Variants in MPRIP observed in about 807,000 individuals in gnomAD.
MPRIP encodes the protein myosin phosphatase Rho interacting protein.
A neutral mutation model predicts 234.9 loss-of-function variants in MPRIP; 59 were observed. That is an observed-to-expected ratio of 0.25 (90% CI 0.20 to 0.31). MPRIP has a LOEUF of 0.31. Among genes scored for constraint, MPRIP ranks in the 10% least tolerant of loss-of-function variants. MPRIP has a pLI of 1.00. For missense variants in MPRIP, 2,436 were observed against 3,071.0 expected (o/e 0.79, Z 4.89); for synonymous variants, 1,144 against 1,263.9 (o/e 0.91, Z 2.01).
chr17:17,162,935 C>G (rs938616727), intron 15 of MPRIP, among the ~76,000 whole-genome samples: 1 of 152,228 alleles, frequency 6.6e-6, no homozygotes, highest in African/African-American at 2.4e-5. Context: ...ACATTGCTAA[C>G]CTAGGAACCT....
At chr17:17,063,172 G>A (rs1162879401) in intron 1 of MPRIP, among the ~76,000 whole-genome samples, 2 of 152,248 alleles carry the variant, frequency 1.3e-5, no homozygotes, top group African/African-American at 4.8e-5. Flanking sequence ...GCTTGCCCAG[G>A]TCTTGGCTGG....
At chr17:17,173,416 G>A (rs2046187555) in intron 18 of MPRIP, among the ~76,000 whole-genome samples, 1 of 152,234 alleles carries the variant, frequency 6.6e-6, no homozygotes, top group African/African-American at 2.4e-5. Context: ...CCCTGTAGAG[G>A]CTCACGCTGA....
At chr17:17,143,010 A>T (rs2045363915) in intron 8 of MPRIP, among the ~76,000 whole-genome samples, 1 of 152,016 alleles carries the variant, frequency 6.6e-6, no homozygotes, top group South Asian at 2.1e-4. Context: ...AATTAGGATC[A>T]CTCTCTTCCT....
chr17:17,074,360 C>T (rs1471479988), intron 1 of MPRIP, among the ~76,000 whole-genome samples: 2 of 152,222 alleles, frequency 1.3e-5, no homozygotes, highest in Non-Finnish European at 2.9e-5. Context: ...CCTTGTTGAG[C>T]TCCTCCCGTG....
chr17:17,053,918 A>AGTCCTCACC (rs1373125502), intron 1 of MPRIP, among the ~76,000 whole-genome samples: 3 of 152,228 alleles, frequency 2.0e-5, no homozygotes, highest in Admixed American at 6.5e-5. Context: ...AAGTACAGTA[A>AGTCCTCACC]GTCCTCACCG....
intron 3 of MPRIP, among the ~76,000 whole-genome samples, chr17:17,123,703 C>CAAAAAAA (rs371753802): frequency 6.7e-5 from 4 of 59,280 alleles, no homozygotes; most frequent in African/African-American, 2.1e-4. Context: ...GACTTCGTCT[C>CAAAAAAA]AAAAAAAAAA....
rs1157180883 is a variant in MPRIP at position 17,164,183 on chromosome 17, T to C, written c.2592T>C (p.Leu864=). The C allele has an allele frequency of 7.7e-7, 1 of 1,304,272 alleles. No individual in the cohort carries two copies. 80.8% of individuals were successfully genotyped at this position (1,304,272 alleles called of 1,614,324 possible). The stretch of plus-strand genomic sequence containing the variant: ...TCAACCAAGACCTTCAAAGTGAGCT[T>C]GAAGCCCAGTGCCAGCGCCAGGAGC... ...HRVNQDLQSE[L]EAQCQRQELI... The change falls in exon 16 of 24, where the codon CTT becomes CTC. Residue 864 remains leucine, a synonymous_variant. Coordinates refer to ENST00000651222, the MANE Select transcript of MPRIP (RefSeq NM_001364716.4).
At position 17,181,336 on chromosome 17, in the gene MPRIP, C is replaced by T. The variant is rs1357100795; in HGVS notation, c.7206+1248C>T. On this transcript the variant is annotated intron_variant, in intron 23 of 23. Transcript: ENST00000651222. ...CTCAGTAGCTTGATCTCGTTCATCCCGGAATGAGAACATGGAGGAAAGCAA... is the reference window on the plus strand; with the variant it reads ...CTCAGTAGCTTGATCTCGTTCATCCTGGAATGAGAACATGGAGGAAAGCAA... 2.6e-5 allele frequency among the ~76,000 whole-genome samples: 4 copies of T among 152,090 alleles called. No homozygotes were observed. The East Asian group carries it at 7.7e-4, about 29-fold the overall frequency.
chr17:17,126,894 C>T, intron 4 of MPRIP, 41 bp downstream of exon 4: 1 of 1,597,338 alleles, frequency 6.3e-7, no homozygotes. Context: ...CCACCACCTG[C>T]CACAGGGCCA....
intron 2 of MPRIP, chr17:17,076,024 T>C (rs1019987129): frequency 2.1e-6 from 1 of 485,530 alleles, no homozygotes; most frequent in Non-Finnish European, 3.6e-6. Context: ...GTTGCCTGTT[T>C]TGTGGGTCAG....
At chr17:17,154,452 T>G in intron 13 of MPRIP, 37 bp downstream of exon 13, 1 of 1,581,466 alleles carries the variant, frequency 6.3e-7, no homozygotes. Flanking sequence ...CCTTTGTGCC[T>G]CTTGTGGGTG....
At chr17:17,065,097 G>T (rs1377767621) in intron 1 of MPRIP, among the ~76,000 whole-genome samples, 1 of 151,996 alleles carries the variant, frequency 6.6e-6, no homozygotes, top group East Asian at 1.9e-4. Context: ...AAGTCTTCTC[G>T]TGTCTTTTGC....
intron 1 of MPRIP, 108 bp from the exon 2 acceptor site, chr17:17,075,602 C>A (rs2089309254): frequency 3.2e-6 from 3 of 940,196 alleles, no homozygotes; most frequent in Non-Finnish European, 5.2e-6. Context: ...ATGACCTCTG[C>A]AGAGCAGAGG....
intron 3 of MPRIP, among the ~76,000 whole-genome samples, chr17:17,084,463 T>C (rs532416514): frequency 3.9e-5 from 6 of 152,342 alleles, no homozygotes; most frequent in Middle Eastern, 3.4e-3. Flanking sequence ...CTTCTCACAA[T>C]GGTAGATACC....
At chr17:17,075,878 T>A (rs1597758504) in intron 2 of MPRIP, 91 bp downstream of exon 2, 2 of 1,258,444 alleles carry the variant, frequency 1.6e-6, no homozygotes, top group Non-Finnish European at 2.3e-6. Flanking sequence ...AGATGGAGAG[T>A]TGAACAGTGG....
chr17:17,156,764 A>T (rs1416614310), intron 13 of MPRIP, among the ~76,000 whole-genome samples: 23 of 152,158 alleles, frequency 1.5e-4, no homozygotes, highest in Non-Finnish European at 1.5e-5. Context: ...AGGAGCTCTT[A>T]GTTCAGTGAC....
At chr17:17,103,660 C>G (rs555345143) in intron 3 of MPRIP, among the ~76,000 whole-genome samples, 1 of 152,182 alleles carries the variant, frequency 6.6e-6, no homozygotes, top group African/African-American at 2.4e-5. Flanking sequence ...TTGGTTCCTT[C>G]CTAATAAGAT....
chr17:17,120,005 TCC>T (rs1043026763), intron 3 of MPRIP, among the ~76,000 whole-genome samples: 1 of 152,162 alleles, frequency 6.6e-6, no homozygotes, highest in African/African-American at 2.4e-5. Flanking sequence ...CACCTTGAAA[TCC>T]CCTTTCTGAC....
chr17:17,075,029 G>A (rs184546633), intron 1 of MPRIP, among the ~76,000 whole-genome samples: 32 of 152,266 alleles, frequency 2.1e-4, no homozygotes, highest in African/African-American at 7.5e-4. Context: ...GGGCCCTAGG[G>A]TAACTCTGCC....
Sources: allele counts gnomAD v4.1 joint callset (sites outside exome capture counted in the v4.1 genomes callset), GRCh38; gene constraint gnomAD v4.1.1; transcripts MANE v1.5; gene names NCBI Gene and HGNC (gene_info 2026-07-23, HGNC 2026-07-21).